The following COX8C variants were observed in gnomAD, a reference collection of about 807,000 sequenced individuals.
COX8C encodes the protein cytochrome c oxidase subunit 8C, also known as cytochrome c oxidase subunit 8C, mitochondrial.
COX8C carries 3 observed loss-of-function variants against 3.5 expected under a neutral mutation model. That is an observed-to-expected ratio of 0.86 (90% CI 0.39 to 2.24). The LOEUF is 2.24. Among genes scored for constraint, COX8C ranks in the 30% most tolerant of loss-of-function variants. The probability of loss-of-function intolerance (pLI) is 0.05; values close to 1 mark genes in which losing one functional copy is unlikely to be tolerated. For synonymous variants in COX8C, 46 were observed against 44.1 expected, an observed-to-expected ratio of 1.04 and a Z score of -0.17; for missense variants, 113 against 102.5, an observed-to-expected ratio of 1.10 and a Z score of -0.44.
Position 93,348,050 on chromosome 14 carries a change from T to C in COX8C, c.149T>C (p.Val50Ala). 2 of 1,612,032 alleles carry C rather than the reference T, an allele frequency of 1.2e-6. No individual in the cohort carries two copies. Among genetic ancestry groups the C allele is most frequent in the Non-Finnish European group, 1.7e-6 (2 of 1,178,088 alleles). ...CAGGAAATGGCTGTTGGACTTGTGG[T>C]GTTTTTTACGACCTTCTTAACACCA... The part of the protein sequence containing the change: ...SAAEMAVGLV[V>A]FFTTFLTPAA... The change falls in exon 2 of 2, where the codon GTG (valine) becomes GCG (alanine). Residue 50 changes from valine to alanine, a missense_variant. By Grantham distance (64) the Val-to-Ala change is moderately conservative. Coordinates refer to ENST00000342144, the MANE Select transcript of COX8C (RefSeq NM_182971.3).
rs140891651 is a variant in COX8C at position 93,347,334 on chromosome 14, G to C, written c.66G>C (p.Leu22=). The change falls in exon 1 of 2, where the codon CTG becomes CTC. Residue 22 remains leucine (L), a synonymous_variant. Transcript: ENST00000342144. ...RHYRRLALLG[L]QPAPRFAHSG... is the part of the protein sequence containing the mutation. Reference sequence around the variant, plus strand: ...ACCGCCGCTTGGCCCTGCTCGGCCTGCAGCCCGCTCCCCGCTTCGCCCACT... The same window carrying C: ...ACCGCCGCTTGGCCCTGCTCGGCCTCCAGCCCGCTCCCCGCTTCGCCCACT... 149 of 1,601,396 alleles carry C rather than the reference G, an allele frequency of 9.3e-5. No individual in the cohort carries two copies. In the African/African-American group the frequency reaches 1.8e-3, roughly 19 times the overall value.
chr14:93,347,309 ACCG>A lies in COX8C; in HGVS notation c.46_48del (p.Arg16del), dbSNP rs2053869648. 1 of 1,605,414 alleles carries A rather than the reference ACCG, an allele frequency of 6.2e-7. No homozygotes were observed. The highest frequency in any genetic ancestry group is 1.3e-5 in the African/African-American group (1 of 74,708). On this transcript the variant is annotated inframe_deletion, in exon 1 of 2. Transcript: ENST00000342144. Reference sequence around the variant, plus strand: ...GGGCGCTGTCCTGCCCGCCGCCACTACCGCCGCTTGGCCCTGCTCGGCCTGCAG... The same window carrying A: ...GGGCGCTGTCCTGCCCGCCGCCACTACCGCTTGGCCCTGCTCGGCCTGCAG...
intron 1 of COX8C, 92 bp downstream of exon 1, chr14:93,347,486 C>A: frequency 7.5e-7 from 1 of 1,330,036 alleles, no homozygotes; most frequent in Non-Finnish European, 9.7e-7. Flanking sequence ...ACACGGCGTG[C>A]AGGCCTCGCG....
At position 93,347,361 on chromosome 14, in the gene COX8C, G is replaced by T. The variant is rs775364292; in HGVS notation, c.93G>T (p.Ser31=). ...AGCCCGCTCCCCGCTTCGCCCACTCGGGGCCCCCGCGCCAGCGGCCCCTGT... is the reference window on the plus strand; with the variant it reads ...AGCCCGCTCCCCGCTTCGCCCACTCTGGGCCCCCGCGCCAGCGGCCCCTGT... ...GLQPAPRFAH[S]GPPRQRPLSA... is the part of the protein sequence containing the mutation. The change falls in exon 1 of 2, where the codon TCG becomes TCT. Residue 31 remains serine (S), a synonymous_variant. Coordinates refer to ENST00000342144, the MANE Select transcript of COX8C (RefSeq NM_182971.3). The T allele has an allele frequency of 6.4e-6, 10 of 1,562,592 alleles. No individual in the cohort carries two copies. The Admixed American group carries it at 1.1e-4, about 17-fold the overall frequency.
chr14:93,347,621 G>A (rs2053885146), intron 1 of COX8C, among the ~76,000 whole-genome samples: 1 of 152,086 alleles, frequency 6.6e-6, no homozygotes, highest in Admixed American at 6.5e-5. Context: ...CGGAAAGCCC[G>A]GGACCCTGAG....
Position 93,347,392 on chromosome 14 carries a change from G to A in COX8C, c.124G>A (p.Ala42Thr), listed in dbSNP as rs2053875467. The stretch of plus-strand genomic sequence containing the variant: ...CCCGCGCCAGCGGCCCCTGTCTGCC[G>A]CGGTGAGTTGAGGCCCAGCCATCAT... ...GPPRQRPLSA[A>T]EMAVGLVVFF... Residue 42 changes from alanine (A) to threonine (T), a missense_variant and splice_region_variant, in exon 1 of 2, where the codon GCG (alanine) becomes ACG (threonine). Physicochemically the swap from Ala to Thr is moderately conservative, Grantham distance 58 (BLOSUM62 0). Transcript: ENST00000342144. 3 of 1,525,964 alleles carry A rather than the reference G, an allele frequency of 2.0e-6. No homozygotes were observed. The highest frequency in any genetic ancestry group is 2.6e-6 in the Non-Finnish European group (3 of 1,143,370). 94.5% of individuals were successfully genotyped at this position (1,525,964 alleles called of 1,614,324 possible). A position where few individuals can be genotyped will look rare whatever the true frequency, so the allele number is the denominator to read the frequency against.
At chr14:93,347,417 T>G in intron 1 of COX8C, 23 bp downstream of exon 1, 1 of 1,455,186 alleles carries the variant, frequency 6.9e-7, no homozygotes. Context: ...CCAGCCATCA[T>G]GGTGGGCGGG....
Position 93,347,239 on chromosome 14 carries a change from C to A in COX8C, c.-30C>A. The A allele has an allele frequency of 6.3e-7, 1 of 1,581,284 alleles. No homozygotes were observed. Among genetic ancestry groups the A allele is most frequent in the Non-Finnish European group, 8.6e-7 (1 of 1,164,140 alleles). On this transcript the variant is annotated 5_prime_UTR_variant, in exon 1 of 2. Coordinates refer to ENST00000342144, the MANE Select transcript of COX8C (RefSeq NM_182971.3). ...TTGGCCTCACCTCACCTGTGCTGTC[C>A]ACGCCTGGCTTTGTCTCACCTGACG...
intron 1 of COX8C, among the ~76,000 whole-genome samples, chr14:93,347,809 C>T (rs1053677887): frequency 1.3e-5 from 2 of 151,256 alleles, no homozygotes; most frequent in Non-Finnish European, 2.9e-5. Context: ...TTCCAGAGTG[C>T]GAAGGTTGGA....
At chr14:93,347,525 TG>T in intron 1 of COX8C, 131 bp downstream of exon 1, 1 of 1,109,338 alleles carries the variant, frequency 9.0e-7, no homozygotes, top group Non-Finnish European at 1.2e-6. Context: ...TGGTCGCCGT[TG>T]GGGGAGGTTC....
intron 1 of COX8C, 66 bp downstream of exon 1, chr14:93,347,460 G>C: frequency 2.2e-6 from 3 of 1,383,992 alleles, no homozygotes; most frequent in Non-Finnish European, 2.8e-6. Context: ...GCCCCGACGG[G>C]TGGGGAGAAG....
At chr14:93,347,424 C>A in intron 1 of COX8C, 30 bp downstream of exon 1, 1 of 1,450,194 alleles carries the variant, frequency 6.9e-7, no homozygotes, top group Middle Eastern at 2.4e-4. Context: ...TCATGGTGGG[C>A]GGGAAGCGCG....
In COX8C at chr14:93,347,379, G is replaced by A. The variant is rs201840112; in HGVS notation, c.111G>A (p.Arg37=). 37 of 1,548,880 alleles carry A rather than the reference G, an allele frequency of 2.4e-5. No homozygotes were observed. The Middle Eastern group carries it at 7.8e-4, about 33-fold the overall frequency. Residue 37 remains arginine (R), a synonymous_variant, in exon 1 of 2, where the codon CGG becomes CGA. Coordinates refer to ENST00000342144, the MANE Select transcript of COX8C (RefSeq NM_182971.3). The stretch of plus-strand genomic sequence containing the variant: ...CCCACTCGGGGCCCCCGCGCCAGCG[G>A]CCCCTGTCTGCCGCGGTGAGTTGAG... ...RFAHSGPPRQ[R]PLSAAEMAVG... is the part of the protein sequence containing the mutation.
rs763123090 is a variant in COX8C at position 93,347,365 on chromosome 14, C to A, written c.97C>A (p.Pro33Thr). Residue 33 changes from proline to threonine, a missense_variant, in exon 1 of 2, where the codon CCC becomes ACC. Coordinates refer to ENST00000342144, the MANE Select transcript of COX8C (RefSeq NM_182971.3). The part of the protein sequence containing the change: ...QPAPRFAHSG[P>T]PRQRPLSAAE... ...CGCTCCCCGCTTCGCCCACTCGGGG[C>A]CCCCGCGCCAGCGGCCCCTGTCTGC... The A allele has an allele frequency of 9.6e-6, 15 of 1,570,246 alleles. No individual in the cohort carries two copies. The highest frequency in any genetic ancestry group is 7.2e-5 in the Admixed American group (4 of 55,308).
In COX8C at chr14:93,348,043, C is replaced by T. The variant is rs930054122; in HGVS notation, c.142C>T (p.Leu48Phe). The T allele has an allele frequency of 6.2e-7, 1 of 1,610,084 alleles. No individual in the cohort carries two copies. Among genetic ancestry groups the T allele is most frequent in the African/African-American group, 1.3e-5 (1 of 74,806 alleles). Residue 48 changes from leucine to phenylalanine, a missense_variant, in exon 2 of 2, where the codon CTT (leucine) becomes TTT (phenylalanine). By Grantham distance (22) the Leu-to-Phe change is conservative (BLOSUM62 0). Transcript: ENST00000342144. ...PLSAAEMAVG[L>F]VVFFTTFLTP... The stretch of plus-strand genomic sequence containing the variant: ...TCTCTTCCAGGAAATGGCTGTTGGA[C>T]TTGTGGTGTTTTTTACGACCTTCTT...
rs1198380771 is a variant in COX8C, at chr14:93,347,375, A to G, written c.107A>G (p.Gln36Arg). The G allele has an allele frequency of 2.0e-6, 3 of 1,484,288 alleles. No homozygotes were observed. Among genetic ancestry groups the G allele is most frequent in the Admixed American group, 3.9e-5 (2 of 50,654 alleles). 91.9% of individuals were successfully genotyped at this position (1,484,288 alleles called of 1,614,324 possible). A position where few individuals can be genotyped will look rare whatever the true frequency, so the allele number is the denominator to read the frequency against. The change falls in exon 1 of 2, where the codon CAG becomes CGG. Residue 36 changes from glutamine to arginine, a missense_variant. Coordinates refer to ENST00000342144, the MANE Select transcript of COX8C (RefSeq NM_182971.3). Reference sequence around the variant, plus strand: ...TTCGCCCACTCGGGGCCCCCGCGCCAGCGGCCCCTGTCTGCCGCGGTGAGT... The same window carrying G: ...TTCGCCCACTCGGGGCCCCCGCGCCGGCGGCCCCTGTCTGCCGCGGTGAGT... Reference protein sequence around the residue: ...PRFAHSGPPRQRPLSAAEMAV... With the variant: ...PRFAHSGPPRRRPLSAAEMAV...
rs1253166268 is a variant in COX8C, at chr14:93,347,241, C to T, written c.-28C>T. The T allele has an allele frequency of 6.9e-6, 11 of 1,583,086 alleles. No homozygotes were observed. In the East Asian group the frequency reaches 1.1e-4, roughly 16 times the overall value. On this transcript the variant is annotated 5_prime_UTR_variant, in exon 1 of 2. In the 5' UTR this introduces an upstream ATG that the reference lacks. Coordinates refer to ENST00000342144, the MANE Select transcript of COX8C (RefSeq NM_182971.3). ...GGCCTCACCTCACCTGTGCTGTCCA[C>T]GCCTGGCTTTGTCTCACCTGACGCG...
rs1185659530 is a variant in COX8C at position 93,348,077 on chromosome 14, C to T, written c.176C>T (p.Ala59Val). ...VVFFTTFLTP[A>V]AYVLGNLKQF... ...TTTTTTACGACCTTCTTAACACCAG[C>T]TGCATATGTGCTAGGCAACCTGAAG... Residue 59 changes from alanine to valine, a missense_variant, in exon 2 of 2, where the codon GCT (alanine) becomes GTT (valine). Coordinates refer to ENST00000342144, the MANE Select transcript of COX8C (RefSeq NM_182971.3). 1 of 1,612,806 alleles carries T rather than the reference C, an allele frequency of 6.2e-7. No homozygotes were observed. The highest frequency in any genetic ancestry group is 8.5e-7 in the Non-Finnish European group (1 of 1,178,856).
chr14:93,347,446 GGGCGCCCC>G, intron 1 of COX8C, 52 bp downstream of exon 1: 2 of 1,402,660 alleles, frequency 1.4e-6, no homozygotes, highest in South Asian at 3.1e-5. Context: ...GGCCCTGGCG[GGGCGCCCC>G]GACGGGTGGG....
Sources: gnomAD v4.1 joint callset for allele counts (sites outside exome capture counted in the v4.1 genomes callset) on GRCh38, gnomAD v4.1.1 for gene constraint, MANE v1.5 for transcripts, NCBI Gene and HGNC (gene_info 2026-07-23, HGNC 2026-07-21) for gene names.